Variants in SFMBT2 observed in about 807,000 individuals in gnomAD.
The protein encoded by SFMBT2 is scm-like with four MBT domains protein 2.
SFMBT2 carries 38 observed loss-of-function variants against 110.1 expected under a neutral mutation model. That is an observed-to-expected ratio of 0.35 (90% CI 0.27 to 0.45). The LOEUF (loss-of-function observed/expected upper bound fraction) is 0.45. Ranked by LOEUF, SFMBT2 falls within the 20% of genes least tolerant of loss-of-function variation. The probability of loss-of-function intolerance (pLI) is 1.00; values close to 1 mark genes in which losing one functional copy is unlikely to be tolerated. For synonymous variants in SFMBT2, 425 were observed against 425.4 expected (o/e 1.00, Z 0.01); for missense variants, 1,011 against 1,094.9 (o/e 0.92, Z 1.08).
intron 2 of SFMBT2, among the ~76,000 whole-genome samples, chr10:7,372,237 A>G (rs1376400688): frequency 6.6e-6 from 1 of 152,156 alleles, no homozygotes; most frequent in Non-Finnish European, 1.5e-5. Flanking sequence ...TTTTTGAATT[A>G]TAAGTAGGAA....
intron 4 of SFMBT2, among the ~76,000 whole-genome samples, chr10:7,363,247 C>T (rs1334416001): frequency 2.0e-5 from 3 of 152,160 alleles, no homozygotes; most frequent in Admixed American, 2.0e-4. Context: ...GGCTCTCTTG[C>T]CTGCCACCAT....
Position 7,197,605 on chromosome 10 carries a change from C to A in SFMBT2, c.1641G>T (p.Arg547Ser). 6.2e-7 allele frequency: 1 copy of A among 1,614,232 alleles called. No individual in the cohort carries two copies. Among genetic ancestry groups the A allele is most frequent in the South Asian group, 1.1e-5 (1 of 91,084 alleles). ...CFSGPYLNKG[R>S]IAELPQSVGP... Reference sequence around the variant, plus strand: ...CCACCGACTGAGGTAGCTCTGCAATCCTTCCTTTGTTCAGGTAAGGGCCTG... The same window carrying A: ...CCACCGACTGAGGTAGCTCTGCAATACTTCCTTTGTTCAGGTAAGGGCCTG... The change falls in exon 15 of 21, where the codon AGG becomes AGT. Residue 547 changes from arginine to serine, a missense_variant. Coordinates refer to ENST00000397167, the MANE Select transcript of SFMBT2 (RefSeq NM_001387889.1).
At chr10:7,375,751 C>CCACACACACACA (rs35306837) in intron 2 of SFMBT2, among the ~76,000 whole-genome samples, 16 of 124,772 alleles carry the variant, frequency 1.3e-4, no homozygotes, top group Non-Finnish European at 2.3e-4. Flanking sequence ...AAAGAAAAAA[C>CCACACACACACA]CACACACACA....
At chr10:7,217,953 T>C (rs1564389467) in intron 11 of SFMBT2, among the ~76,000 whole-genome samples, 1 of 152,226 alleles carries the variant, frequency 6.6e-6, no homozygotes, top group Non-Finnish European at 1.5e-5. Context: ...TAATCTCATG[T>C]AGTTTATTCA....
At chr10:7,305,706 ACCC>A (rs1342128089) in intron 4 of SFMBT2, among the ~76,000 whole-genome samples, 4 of 152,206 alleles carry the variant, frequency 2.6e-5, no homozygotes, top group Non-Finnish European at 4.4e-5. Flanking sequence ...GCAAAGGTCT[ACCC>A]TTTCGGGAGA....
intron 12 of SFMBT2, 72 bp from the exon 13 acceptor site, chr10:7,202,594 T>C (rs1004517508): frequency 3.7e-6 from 6 of 1,611,292 alleles, no homozygotes; most frequent in Non-Finnish European, 5.1e-6. Flanking sequence ...AAAAATAGGT[T>C]ATAAAGCAAA....
intron 15 of SFMBT2, 75 bp from the exon 16 acceptor site, chr10:7,188,808 C>T (rs1305727252): frequency 5.6e-6 from 7 of 1,244,502 alleles, no homozygotes; most frequent in Non-Finnish European, 8.1e-6. Flanking sequence ...CTTTGAAAAC[C>T]ACACCACTGA....
Position 7,396,178 on chromosome 10 carries a change from G to C in SFMBT2, c.-51-14229C>G, listed in dbSNP as rs146117288. 1.2e-3 allele frequency among the ~76,000 whole-genome samples: 183 copies of C among 152,322 alleles called. 3 individuals are homozygous for C. The East Asian group carries it at 0.034, about 28-fold the overall frequency. Reference sequence around the variant, plus strand: ...AAGGGAGAATCGCTTGAACCCAGGAGATGGAGGTTGCAGTGAGCCAAGATT... The same window carrying C: ...AAGGGAGAATCGCTTGAACCCAGGACATGGAGGTTGCAGTGAGCCAAGATT... On this transcript the variant is annotated intron_variant, in intron 1 of 20. Transcript: ENST00000397167.
In SFMBT2 at chr10:7,170,820, C is replaced by T. The variant is rs140457619; in HGVS notation, c.2544+108G>A. 39 of 1,371,882 alleles carry T rather than the reference C, an allele frequency of 2.8e-5. No homozygotes were observed. The South Asian group carries it at 3.3e-4, about 12-fold the overall frequency. 85.0% of individuals were successfully genotyped at this position (1,371,882 alleles called of 1,614,324 possible). A position where few individuals can be genotyped will look rare whatever the true frequency, so the allele number is the denominator to read the frequency against. ...GTCTCGCACACCTGCCGAGCAGCGC[C>T]GAAGAACCCCCTCGCAGGTGTCACG... On this transcript the variant is annotated intron_variant, in intron 20 of 20. Transcript: ENST00000397167. The surrounding 1 kb of genome is among the most constrained non-coding windows in gnomAD (Gnocchi z 4.6).
At position 7,217,450 on chromosome 10, in the gene SFMBT2, T is replaced by C. The variant is rs545221539; in HGVS notation, c.1330+2961A>G. On this transcript the variant is annotated intron_variant, in intron 11 of 20. Transcript: ENST00000397167. ...AACTGCTAAACGTGAGCTAGAAATC[T>C]ACCAGGTCTCATTTGAAGTGCATGT... Among the ~76,000 whole-genome samples, 5 of 152,296 alleles carry C rather than the reference T, an allele frequency of 3.3e-5. No homozygotes were observed. In the South Asian group the frequency reaches 1.0e-3, roughly 32 times the overall value.
intron 9 of SFMBT2, among the ~76,000 whole-genome samples, chr10:7,230,072 G>C (rs1044588274): frequency 6.6e-6 from 1 of 151,860 alleles, no homozygotes; most frequent in Admixed American, 6.6e-5. Flanking sequence ...CAAAAAAGCA[G>C]CTGTGCTTCT....
At position 7,215,733 on chromosome 10, in the gene SFMBT2, T is replaced by G. The variant is rs1033601766; in HGVS notation, c.1330+4678A>C. The G allele has an allele frequency of 2.7e-5, 27 of 985,336 alleles. No homozygotes were observed. In the South Asian group the frequency reaches 3.8e-4, roughly 14 times the overall value. 61.0% of individuals were successfully genotyped at this position (985,336 alleles called of 1,614,324 possible). On this transcript the variant is annotated intron_variant, in intron 11 of 20. Coordinates refer to ENST00000397167, the MANE Select transcript of SFMBT2 (RefSeq NM_001387889.1). ...ATGAATTTAAGCCCACTGACTCAAC[T>G]TCATAGACATCAGGGCCTGACCTGC...
intron 7 of SFMBT2, among the ~76,000 whole-genome samples, chr10:7,269,492 C>T (rs1841503238): frequency 6.6e-6 from 1 of 152,176 alleles, no homozygotes; most frequent in African/African-American, 2.4e-5. Flanking sequence ...CTTGGAAATA[C>T]CGCTCATCTC....
intron 11 of SFMBT2, among the ~76,000 whole-genome samples, chr10:7,216,842 T>C (rs1287737541): frequency 6.6e-6 from 1 of 152,198 alleles, no homozygotes; most frequent in African/African-American, 2.4e-5. Flanking sequence ...TCTGTGTCCC[T>C]AGTCCTTTTA....
chr10:7,222,213 C>T (rs564184529), intron 10 of SFMBT2, among the ~76,000 whole-genome samples: 1 of 152,282 alleles, frequency 6.6e-6, no homozygotes, highest in African/African-American at 2.4e-5. Flanking sequence ...GTAGTTTGTA[C>T]AGATGCACCA....
intron 11 of SFMBT2, among the ~76,000 whole-genome samples, chr10:7,219,196 G>A (rs1445862406): frequency 6.6e-6 from 1 of 152,170 alleles, no homozygotes; most frequent in Non-Finnish European, 1.5e-5. Context: ...GTGGAGCTGT[G>A]AAAATAAAGC....
intron 4 of SFMBT2, among the ~76,000 whole-genome samples, chr10:7,335,838 A>G (rs1210997518): frequency 6.6e-6 from 1 of 152,234 alleles, no homozygotes; most frequent in East Asian, 1.9e-4. Context: ...GCGTTCTCAC[A>G]ATGGCCTTCT....
chr10:7,228,557 A>G (rs1014660998), intron 9 of SFMBT2: 2 of 162,476 alleles, frequency 1.2e-5, no homozygotes, highest in African/African-American at 2.4e-5. Context: ...GAATTGCAGG[A>G]GGCAGGTCTC....
intron 4 of SFMBT2, among the ~76,000 whole-genome samples, chr10:7,316,156 C>T (rs190653159): frequency 4.1e-4 from 62 of 152,274 alleles, no homozygotes; most frequent in South Asian, 1.7e-3. Flanking sequence ...ATGCAATGTT[C>T]TAATTAGTGA....
Sources: gnomAD v4.1 joint callset for allele counts (sites outside exome capture counted in the v4.1 genomes callset) on GRCh38, gnomAD v4.1.1 for gene constraint, Gnocchi (gnomAD v3.1) non-coding constraint, MANE v1.5 for transcripts, NCBI Gene and HGNC (gene_info 2026-07-23, HGNC 2026-07-21) for gene names.